PSMD1: variants seen among roughly 807,000 people sequenced by gnomAD.
PSMD1 encodes the protein proteasome 26S subunit, non-ATPase 1, also known as 26S proteasome non-ATPase regulatory subunit 1.
A neutral mutation model predicts 119.0 loss-of-function variants in PSMD1; 18 were observed. The ratio of observed to expected loss-of-function variants is 0.15; its 90% CI spans 0.10 to 0.22. The LOEUF (loss-of-function observed/expected upper bound fraction) is 0.22. Among genes scored for constraint, PSMD1 ranks in the 10% least tolerant of loss-of-function variants. The pLI, the probability that PSMD1 is intolerant of heterozygous loss-of-function variation, is 1.00. For synonymous variants in PSMD1, 374 were observed against 396.6 expected (o/e 0.94, Z 0.68); for missense variants, 702 against 1,158.5 (o/e 0.61, Z 5.72).
intron 16 of PSMD1, among the ~76,000 whole-genome samples, chr2:231,132,414 C>T (rs553623192): frequency 9.9e-5 from 15 of 152,212 alleles, no homozygotes; most frequent in African/African-American, 1.9e-4. Context: ...AAGTTGATGA[C>T]GAAATTCTGG....
At chr2:231,105,923 G>A (rs1472699021) in intron 16 of PSMD1, among the ~76,000 whole-genome samples, 1 of 148,884 alleles carries the variant, frequency 6.7e-6, no homozygotes, top group South Asian at 2.1e-4. Flanking sequence ...CTGTCTGGGT[G>A]CTTGACTTTT....
intron 18 of PSMD1, among the ~76,000 whole-genome samples, chr2:231,151,470 T>A (rs1043586963): frequency 6.6e-6 from 1 of 152,102 alleles, no homozygotes; most frequent in Non-Finnish European, 1.5e-5. Flanking sequence ...GAGAAAAAAA[T>A]TTAAAATGAT....
At chr2:231,114,595 T>G (rs995611705) in intron 16 of PSMD1, among the ~76,000 whole-genome samples, 14 of 152,352 alleles carry the variant, frequency 9.2e-5, no homozygotes, top group African/African-American at 3.4e-4. Flanking sequence ...GGAGATAAAA[T>G]AATTAGTACA....
chr2:231,120,631 A>G (rs1037729340), intron 16 of PSMD1, among the ~76,000 whole-genome samples: 2 of 152,266 alleles, frequency 1.3e-5, no homozygotes, highest in Non-Finnish European at 2.9e-5. Flanking sequence ...GTTGAATAAA[A>G]TATCTCTCAG....
At chr2:231,100,182 G>A (rs955629495) in intron 16 of PSMD1, among the ~76,000 whole-genome samples, 1 of 152,080 alleles carries the variant, frequency 6.6e-6, no homozygotes, top group Non-Finnish European at 1.5e-5. Flanking sequence ...ATAAAGTTTC[G>A]ATGCTACAAA....
At chr2:231,156,053 C>A (rs542138259) in intron 19 of PSMD1, among the ~76,000 whole-genome samples, 1 of 152,078 alleles carries the variant, frequency 6.6e-6, no homozygotes, top group Non-Finnish European at 1.5e-5. Flanking sequence ...ATAATTCTTA[C>A]AATTGTACGG....
At chr2:231,089,077 C>T (rs977593802) in intron 16 of PSMD1, among the ~76,000 whole-genome samples, 7 of 152,174 alleles carry the variant, frequency 4.6e-5, no homozygotes, top group Non-Finnish European at 1.0e-4. Flanking sequence ...CAGAGCAAGA[C>T]GTTAACTCTT....
chr2:231,077,601 T>C (rs899280643), intron 9 of PSMD1, among the ~76,000 whole-genome samples: 5 of 152,206 alleles, frequency 3.3e-5, no homozygotes, highest in South Asian at 2.1e-4. Flanking sequence ...CATTGAACTA[T>C]GATCTCCTTG....
chr2:231,063,436 G>A (rs1693808742), intron 4 of PSMD1, among the ~76,000 whole-genome samples: 1 of 152,136 alleles, frequency 6.6e-6, no homozygotes, highest in African/African-American at 2.4e-5. Context: ...AGAGCTCAAG[G>A]GCATGTTCTG....
At chr2:231,057,559 C>G (rs1167443794) in intron 1 of PSMD1, among the ~76,000 whole-genome samples, 1 of 152,160 alleles carries the variant, frequency 6.6e-6, no homozygotes. Flanking sequence ...TTTCTGGGTC[C>G]GATCCAAGGG....
Position 231,075,690 on chromosome 2 carries a change from C to G in PSMD1, c.942+119C>G, listed in dbSNP as rs1031456291. 5 of 797,496 alleles carry G rather than the reference C, an allele frequency of 6.3e-6. No homozygotes were observed. In the African/African-American group the frequency reaches 9.0e-5, roughly 14 times the overall value. The allele number at this position is 797,496 out of a possible 1,614,324, so 49.4% of individuals were successfully genotyped here. ...TGCCTCCCAGGCTCAAGCTTTCCTCCCACCTTAGCCTCCCAAGTAAATGGC... is the reference window on the plus strand; with the variant it reads ...TGCCTCCCAGGCTCAAGCTTTCCTCGCACCTTAGCCTCCCAAGTAAATGGC... On this transcript the variant is annotated intron_variant, in intron 8 of 24. Transcript: ENST00000308696.
intron 16 of PSMD1, among the ~76,000 whole-genome samples, chr2:231,112,149 C>T (rs1386722593): frequency 1.3e-5 from 2 of 152,156 alleles, no homozygotes; most frequent in Admixed American, 6.5e-5. Context: ...CACCCCACCC[C>T]AATATACACA....
At chr2:231,075,844 G>GT (rs1439529970) in intron 8 of PSMD1, among the ~76,000 whole-genome samples, 2 of 152,112 alleles carry the variant, frequency 1.3e-5, no homozygotes, top group African/African-American at 4.8e-5. Flanking sequence ...TGGCCTCCCA[G>GT]AGTGCTGGGA....
intron 1 of PSMD1, among the ~76,000 whole-genome samples, chr2:231,060,808 G>T (rs939821424): frequency 5.3e-5 from 8 of 152,154 alleles, no homozygotes; most frequent in Admixed American, 1.3e-4. Flanking sequence ...TATAACTGTT[G>T]ATTTATTTTG....
At chr2:231,139,421 A>AT (rs1442547426) in intron 17 of PSMD1, among the ~76,000 whole-genome samples, 1 of 108,700 alleles carries the variant, frequency 9.2e-6, no homozygotes, top group Admixed American at 1.3e-4. Flanking sequence ...TAATTTTTTT[A>AT]TTTTTTGTGG....
At position 231,162,247 on chromosome 2, in the gene PSMD1, CTTT is replaced by C. The variant is rs1227794448; in HGVS notation, c.2388+741_2388+743del. On this transcript the variant is annotated intron_variant, in intron 20 of 24. Coordinates refer to ENST00000308696, the MANE Select transcript of PSMD1 (RefSeq NM_002807.4). ...TTCTTGTTCTTTAAAAGTCAAAAGGCTTTTTGACCTTTAAATAACTCTTACATC... is the reference window on the plus strand; with the variant it reads ...TTCTTGTTCTTTAAAAGTCAAAAGGCTTGACCTTTAAATAACTCTTACATC... 2.0e-5 allele frequency among the ~76,000 whole-genome samples: 3 copies of C among 152,258 alleles called. No individual in the cohort carries two copies. In the East Asian group the frequency reaches 5.8e-4, roughly 29 times the overall value.
chr2:231,078,640 T>C lies in PSMD1; in HGVS notation c.1072-19T>C. The C allele has an allele frequency of 6.3e-7, 1 of 1,585,232 alleles. No homozygotes were observed. ...AATACTTTGCCAGTGATGAAACAAT[T>C]CTGTATTTGTTGTTGCAGGATGCAG... On this transcript the variant is annotated intron_variant, in intron 9 of 24. Coordinates refer to ENST00000308696, the MANE Select transcript of PSMD1 (RefSeq NM_002807.4).
chr2:231,066,704 A>G (rs1408927864), intron 4 of PSMD1, among the ~76,000 whole-genome samples: 2 of 152,180 alleles, frequency 1.3e-5, no homozygotes, highest in African/African-American at 4.8e-5. Context: ...AATAATGTCA[A>G]CTGGATTGGA....
intron 16 of PSMD1, among the ~76,000 whole-genome samples, chr2:231,126,557 G>A (rs2125237618): frequency 6.6e-6 from 1 of 152,298 alleles, no homozygotes; most frequent in East Asian, 1.9e-4. Context: ...AGTAATGTCA[G>A]ATTGAAAATA....
Sources: gnomAD v4.1 joint callset for allele counts (sites outside exome capture counted in the v4.1 genomes callset) on GRCh38, gnomAD v4.1.1 for gene constraint, MANE v1.5 for transcripts, NCBI Gene and HGNC (gene_info 2026-07-23, HGNC 2026-07-21) for gene names.